ACACA: variants seen among roughly 807,000 people sequenced by gnomAD.
ACACA encodes the protein acetyl-CoA carboxylase alpha.
ACACA carries 103 observed loss-of-function variants against 296.1 expected under a neutral mutation model. The observed-to-expected ratio is 0.35, with a 90% CI of 0.30 to 0.41. ACACA has a LOEUF of 0.41. Among genes scored for constraint, ACACA ranks in the 10% least tolerant of loss-of-function variants. The pLI, the probability that ACACA is intolerant of heterozygous loss-of-function variation, is 1.00. For synonymous variants in ACACA, 953 were observed against 1,038.6 expected (o/e 0.92, Z 1.58); for missense variants, 1,554 against 2,989.7 (o/e 0.52, Z 11.20).
At position 37,097,224 on chromosome 17, in the gene ACACA, T is replaced by C; in HGVS notation, c.6721-58A>G. Reference sequence around the variant, plus strand: ...CCTAATTCCTGCTTAATGCTCAGTCTGGAGGGAAACCCACAGGCATAAAAA... The same window carrying C: ...CCTAATTCCTGCTTAATGCTCAGTCCGGAGGGAAACCCACAGGCATAAAAA... On this transcript the variant is annotated intron_variant, in intron 53 of 55. Transcript: ENST00000616317. This position sits in a 1 kb window ranked among gnomAD's most constrained non-coding sequence, Gnocchi z 4.8. 6.3e-7 allele frequency: 1 copy of C among 1,586,866 alleles called. No individual in the cohort carries two copies. Among genetic ancestry groups the C allele is most frequent in the Admixed American group, 1.7e-5 (1 of 58,422 alleles).
At chr17:37,149,391 T>A (rs574475037) in intron 45 of ACACA, among the ~76,000 whole-genome samples, 72 of 152,306 alleles carry the variant, frequency 4.7e-4, no homozygotes, top group Admixed American at 8.5e-4. Flanking sequence ...CCTAGGCCGG[T>A]ACCTAATTCA....
chr17:37,142,749 C>G (rs1478683057), intron 45 of ACACA, among the ~76,000 whole-genome samples: 1 of 152,232 alleles, frequency 6.6e-6, no homozygotes, highest in Non-Finnish European at 1.5e-5. Flanking sequence ...CCTGTCACGA[C>G]TGAACATCGT....
intron 3 of ACACA, among the ~76,000 whole-genome samples, chr17:37,327,753 G>A (rs2047686554): frequency 6.6e-6 from 1 of 152,216 alleles, no homozygotes; most frequent in Non-Finnish European, 1.5e-5. Flanking sequence ...TGGATTTAGA[G>A]TTAAACCAGT....
At position 37,274,259 on chromosome 17, in the gene ACACA, A is replaced by G. The variant is rs2082183165; in HGVS notation, c.942T>C (p.Arg314=). ...ATAGCTCCTGGGGAACATTTAAGAT[A>G]CGTTTTGAAAAATCATTTTCCTGCC... ...VDWQENDFSK[R]ILNVPQELYE... Residue 314 remains arginine (R), a synonymous_variant, in exon 9 of 56, where the codon CGT becomes CGC. Transcript: ENST00000616317. The G allele has an allele frequency of 6.2e-7, 1 of 1,614,098 alleles. No individual in the cohort carries two copies. The highest frequency in any genetic ancestry group is 1.3e-5 in the African/African-American group (1 of 74,922).
At chr17:37,150,607 A>C (rs1038773391) in intron 44 of ACACA, among the ~76,000 whole-genome samples, 34 of 151,344 alleles carry the variant, frequency 2.2e-4, no homozygotes, top group Admixed American at 1.6e-3. Flanking sequence ...GTTAAAAATT[A>C]GTTGGAGGTG....
chr17:37,396,524 A>G (rs1471235599), intron 1 of ACACA, among the ~76,000 whole-genome samples: 4 of 152,100 alleles, frequency 2.6e-5, no homozygotes, highest in African/African-American at 9.7e-5. Context: ...AGGCTAGTGC[A>G]ACGGTGGTTT....
In ACACA at chr17:37,263,902, A is replaced by G. The variant is rs139772228; in HGVS notation, c.1120-8T>C. ...AGGAACTTCAGCTTGAACCTGTATT[A>G]GAAAAGGGGGAAAAAAAAAACCAAT... On this transcript the variant is annotated splice_polypyrimidine_tract_variant and splice_region_variant and intron_variant, in intron 10 of 55. Transcript: ENST00000616317. The G allele has an allele frequency of 3.9e-4, 625 of 1,610,348 alleles. 8 individuals carry two copies. The Admixed American group carries it at 9.9e-3, about 26-fold the overall frequency.
chr17:37,117,703 A>G (rs1303873732), intron 50 of ACACA, among the ~76,000 whole-genome samples: 2 of 152,204 alleles, frequency 1.3e-5, no homozygotes, highest in Non-Finnish European at 2.9e-5. Context: ...TCATTGAAAA[A>G]AAGCACCAAT....
At chr17:37,223,951 C>G (rs926994280) in intron 27 of ACACA, among the ~76,000 whole-genome samples, 13 of 152,240 alleles carry the variant, frequency 8.5e-5, no homozygotes, top group African/African-American at 3.1e-4. Context: ...CCTATAATCC[C>G]AGCACTTTAG....
intron 1 of ACACA, among the ~76,000 whole-genome samples, chr17:37,348,089 C>A (rs1478404951): frequency 6.6e-6 from 1 of 151,426 alleles, no homozygotes; most frequent in African/African-American, 2.4e-5. Flanking sequence ...AGCAGAACTG[C>A]TTGAACCCGG....
Position 37,275,976 on chromosome 17 carries a change from G to A in ACACA, c.876C>T (p.Ile292=). 6.2e-7 allele frequency: 1 copy of A among 1,614,178 alleles called. No homozygotes were observed. The highest frequency in any genetic ancestry group is 8.5e-7 in the Non-Finnish European group (1 of 1,180,008). ...ASSIVAQTAG[I]PTLPWSGSGL... is the part of the protein sequence containing the mutation. ...CACTGCCGCTCCAGGGAAGAGTTGG[G>A]ATACCTGCAGTTTGAGCCACTATGG... is the stretch of plus-strand genomic sequence containing the variant. The change falls in exon 8 of 56, where the codon ATC becomes ATT. Residue 292 remains isoleucine (I), a synonymous_variant. Coordinates refer to ENST00000616317, the MANE Select transcript of ACACA (RefSeq NM_198834.3).
Position 37,330,301 on chromosome 17 carries a change from G to C in ACACA, c.210C>G (p.Ile70Met). The C allele has an allele frequency of 6.2e-7, 1 of 1,614,214 alleles. No homozygotes were observed. Among genetic ancestry groups the C allele is most frequent in the Non-Finnish European group, 8.5e-7 (1 of 1,180,042 alleles). Reference protein sequence around the residue: ...SVSEDNSEDEISNLVKLDLLE... With the variant: ...SVSEDNSEDEMSNLVKLDLLE... ...GTAGGTCCAACTTCACCAGGTTGCTGATCTCATCCTCTGAGTTATCTTCAG... is the reference window on the plus strand; with the variant it reads ...GTAGGTCCAACTTCACCAGGTTGCTCATCTCATCCTCTGAGTTATCTTCAG... Residue 70 changes from isoleucine (I) to methionine (M), a missense_variant, in exon 3 of 56, where the codon ATC becomes ATG. Transcript: ENST00000616317.
intron 42 of ACACA, among the ~76,000 whole-genome samples, 182 bp from the exon 43 acceptor site, chr17:37,155,962 A>G (rs567376087): frequency 1.7e-4 from 26 of 149,022 alleles, no homozygotes; most frequent in Middle Eastern, 7.1e-3. Context: ...TGAAGTGCCT[A>G]TTTTTTCACT....
At chr17:37,286,928 G>A (rs374336803) in intron 3 of ACACA, among the ~76,000 whole-genome samples, 32 of 152,216 alleles carry the variant, frequency 2.1e-4, no homozygotes, top group South Asian at 1.7e-3. Context: ...TATTAACTCT[G>A]GGGTACCTCA....
rs545733175 is a variant in ACACA, at chr17:37,376,289, C to A, written c.38+29973G>T. ...CCAGAGTTAATCCCATGTATCCACT[C>A]GCCTCTAAGAAGGACTGCAACTTAT... On this transcript the variant is annotated intron_variant, in intron 1 of 55. Transcript: ENST00000616317. 13 of 675,458 alleles carry A rather than the reference C, an allele frequency of 1.9e-5. 1 individual carries two copies. In the South Asian group the frequency reaches 2.1e-4, roughly 11 times the overall value. 41.8% of individuals were successfully genotyped at this position (675,458 alleles called of 1,614,324 possible).
chr17:37,374,199 A>C (rs1322479658), intron 1 of ACACA, among the ~76,000 whole-genome samples: 2 of 152,170 alleles, frequency 1.3e-5, no homozygotes, highest in Non-Finnish European at 2.9e-5. Context: ...TCTCTACAAA[A>C]CATAGCCCAT....
intron 14 of ACACA, among the ~76,000 whole-genome samples, chr17:37,254,851 C>T (rs2081156015): frequency 2.1e-5 from 3 of 144,420 alleles, no homozygotes; most frequent in Admixed American, 7.1e-5. Flanking sequence ...GGTGTGGTGG[C>T]GGGCACTCCA....
Position 37,097,765 on chromosome 17 carries a change from G to A in ACACA, c.6720+65C>T, listed in dbSNP as rs868497601. 4 of 1,593,888 alleles carry A rather than the reference G, an allele frequency of 2.5e-6. No individual in the cohort carries two copies. The highest frequency in any genetic ancestry group is 1.7e-4 in the Middle Eastern group (1 of 5,980). ...TAGCTCCCTGCTTATGAGCCTGTGTGCAACACACACACACACTTGCCCACA... is the reference window on the plus strand; with the variant it reads ...TAGCTCCCTGCTTATGAGCCTGTGTACAACACACACACACACTTGCCCACA... On this transcript the variant is annotated intron_variant, in intron 53 of 55. Transcript: ENST00000616317. The surrounding 1 kb of genome is among the most constrained non-coding windows in gnomAD (Gnocchi z 4.8).
chr17:37,254,055 C>T (rs2680392), intron 14 of ACACA, among the ~76,000 whole-genome samples: 52,009 of 151,976 alleles, frequency 0.34, 11,337 homozygotes, highest in African/African-American at 0.61. Context: ...CTATCCTGCA[C>T]GGGACAGGTA....
Sources: allele counts gnomAD v4.1 joint callset (sites outside exome capture counted in the v4.1 genomes callset), GRCh38; gene constraint gnomAD v4.1.1; non-coding constraint Gnocchi (gnomAD v3.1); transcripts MANE v1.5; gene names NCBI Gene and HGNC (gene_info 2026-07-23, HGNC 2026-07-21).